The following CAMKMT variants were observed in gnomAD, a reference collection of about 807,000 sequenced individuals.
CAMKMT encodes the protein CaM KMT.
In CAMKMT, 53 loss-of-function variants were observed where a neutral mutation model predicts 48.0. The ratio of observed to expected loss-of-function variants is 1.10; its 90% CI spans 0.89 to 1.39. The LOEUF is 1.39. CAMKMT is among the 40% of genes most tolerant of loss of function. CAMKMT has a pLI of 0.00. For synonymous variants in CAMKMT, 165 were observed against 152.3 expected (o/e 1.08, Z -0.61); for missense variants, 428 against 402.7 (o/e 1.06, Z -0.54).
intron 3 of CAMKMT, among the ~76,000 whole-genome samples, chr2:44,633,325 A>G (rs62132320): frequency 0.039 from 5,994 of 152,142 alleles, 165 homozygotes; most frequent in Non-Finnish European, 0.063. Context: ...TATGATTTTC[A>G]TCAAGTTTTG....
At chr2:44,679,316 G>A (rs1443721183) in intron 3 of CAMKMT, among the ~76,000 whole-genome samples, 1 of 152,136 alleles carries the variant, frequency 6.6e-6, no homozygotes, top group Non-Finnish European at 1.5e-5. Flanking sequence ...TTTGATATTG[G>A]ACTGCAGCCA....
intron 3 of CAMKMT, among the ~76,000 whole-genome samples, chr2:44,418,897 A>G (rs1227855465): frequency 2.0e-5 from 3 of 152,172 alleles, no homozygotes; most frequent in African/African-American, 7.2e-5. Context: ...CTCTTTATGT[A>G]GGTATTCCTT....
intron 3 of CAMKMT, among the ~76,000 whole-genome samples, chr2:44,559,548 C>G (rs1227326285): frequency 8.6e-6 from 1 of 116,852 alleles, no homozygotes; most frequent in Non-Finnish European, 2.2e-5. Context: ...TTTACATAAC[C>G]ACTTTTTTTT....
intron 3 of CAMKMT, among the ~76,000 whole-genome samples, chr2:44,565,389 CACTTG>C (rs1668557157): frequency 6.6e-6 from 1 of 152,172 alleles, no homozygotes; most frequent in Non-Finnish European, 1.5e-5. Flanking sequence ...TTGGTAAAGT[CACTTG>C]ACTTCTCTGG....
At chr2:44,606,499 A>C (rs1465433289) in intron 3 of CAMKMT, among the ~76,000 whole-genome samples, 1 of 152,236 alleles carries the variant, frequency 6.6e-6, no homozygotes, top group Non-Finnish European at 1.5e-5. Flanking sequence ...TATGACAAGG[A>C]GTCTGTGACA....
At chr2:44,705,364 A>G in intron 4 of CAMKMT, 1 of 985,366 alleles carries the variant, frequency 1.0e-6, no homozygotes, top group Non-Finnish European at 1.2e-6. Flanking sequence ...CTAAGAGTCT[A>G]AGCATATAAA....
intron 3 of CAMKMT, among the ~76,000 whole-genome samples, chr2:44,404,052 T>A (rs986825405): frequency 1.3e-5 from 2 of 152,202 alleles, no homozygotes; most frequent in Non-Finnish European, 2.9e-5. Flanking sequence ...CATATCACAT[T>A]GTGTTATAAC....
intron 3 of CAMKMT, among the ~76,000 whole-genome samples, chr2:44,428,863 A>G (rs1466122565): frequency 6.6e-6 from 1 of 152,220 alleles, no homozygotes; most frequent in Non-Finnish European, 1.5e-5. Context: ...CAAGGATCTC[A>G]AAGCACGGGC....
At chr2:44,473,093 A>G (rs1668509161) in intron 3 of CAMKMT, among the ~76,000 whole-genome samples, 2 of 152,186 alleles carry the variant, frequency 1.3e-5, no homozygotes, top group Non-Finnish European at 2.9e-5. Flanking sequence ...AGAGGGGTGG[A>G]AGGAATGTTT....
At chr2:44,667,215 C>G (rs1311545702) in intron 3 of CAMKMT, among the ~76,000 whole-genome samples, 1 of 152,182 alleles carries the variant, frequency 6.6e-6, no homozygotes, top group African/African-American at 2.4e-5. Flanking sequence ...TAGCTTCTAG[C>G]TAAAGTCTCC....
At chr2:44,635,313 G>C (rs979520390) in intron 3 of CAMKMT, among the ~76,000 whole-genome samples, 1 of 152,094 alleles carries the variant, frequency 6.6e-6, no homozygotes, top group Admixed American at 6.6e-5. Context: ...GCTAGTTATT[G>C]TTATGAAAGC....
At chr2:44,648,323 C>T (rs2104025755) in intron 3 of CAMKMT, among the ~76,000 whole-genome samples, 1 of 152,248 alleles carries the variant, frequency 6.6e-6, no homozygotes, top group East Asian at 1.9e-4. Flanking sequence ...GGCAGACTTT[C>T]AAATTGTATT....
intron 3 of CAMKMT, among the ~76,000 whole-genome samples, chr2:44,693,604 G>A (rs550464172): frequency 5.3e-5 from 8 of 152,288 alleles, no homozygotes; most frequent in East Asian, 1.9e-4. Context: ...CACAGGACCC[G>A]AAACATTGTA....
chr2:44,610,255 A>C (rs919295020), intron 3 of CAMKMT, among the ~76,000 whole-genome samples: 8 of 152,222 alleles, frequency 5.3e-5, no homozygotes, highest in Non-Finnish European at 8.8e-5. Flanking sequence ...ATAGTCTATT[A>C]ATAGTTGAAG....
intron 3 of CAMKMT, among the ~76,000 whole-genome samples, chr2:44,556,899 A>G (rs1668045614): frequency 6.6e-6 from 1 of 151,886 alleles, no homozygotes; most frequent in African/African-American, 2.4e-5. Flanking sequence ...CAAGATAATG[A>G]GACCCCGTCT....
In CAMKMT at chr2:44,540,446, T is replaced by C. The variant is rs185785252; in HGVS notation, c.376+150141T>C. On this transcript the variant is annotated intron_variant, in intron 3 of 10. Coordinates refer to ENST00000378494, the MANE Select transcript of CAMKMT (RefSeq NM_024766.5). ...AACATTGATTCTTTTTAGTGGAAAG[T>C]GTTATTTAAAAACTCAGATACGAGG... Among the ~76,000 whole-genome samples the C allele has an allele frequency of 1.3e-3, 191 of 152,252 alleles. 2 individuals are homozygous for C. Among genetic ancestry groups the C allele is most frequent in the African/African-American group, 4.5e-3 (188 of 41,550 alleles).
chr2:44,609,769 C>A (rs748863961), intron 3 of CAMKMT, among the ~76,000 whole-genome samples: 12 of 152,092 alleles, frequency 7.9e-5, no homozygotes, highest in Non-Finnish European at 1.6e-4. Context: ...GGAGAAATGG[C>A]TCATTTCCAG....
intron 3 of CAMKMT, among the ~76,000 whole-genome samples, chr2:44,416,002 A>G (rs1317113991): frequency 1.3e-5 from 2 of 152,222 alleles, no homozygotes; most frequent in Non-Finnish European, 2.9e-5. Context: ...GTCAATCTAA[A>G]TGTGAACTAA....
At chr2:44,692,686 T>A (rs987888838) in intron 3 of CAMKMT, among the ~76,000 whole-genome samples, 5 of 145,030 alleles carry the variant, frequency 3.4e-5, no homozygotes, top group Non-Finnish European at 3.0e-5. Flanking sequence ...GTATTCAAGC[T>A]GCACTGTAAC....
Sources: gnomAD v4.1 joint callset for allele counts (sites outside exome capture counted in the v4.1 genomes callset) on GRCh38, gnomAD v4.1.1 for gene constraint, MANE v1.5 for transcripts, NCBI Gene and HGNC (gene_info 2026-07-23, HGNC 2026-07-21) for gene names.